The following CDK13 variants were observed in gnomAD, a reference collection of about 807,000 sequenced individuals.
CDK13 encodes cyclin dependent kinase 13, also known as cyclin-dependent kinase 13.
Under a neutral mutation model 137.6 loss-of-function variants are expected in CDK13, and 40 were observed. The ratio of observed to expected loss-of-function variants is 0.29; its 90% CI spans 0.23 to 0.38. The LOEUF is 0.38. Among genes scored for constraint, CDK13 ranks in the 10% least tolerant of loss-of-function variants. The probability of loss-of-function intolerance (pLI) is 1.00; values close to 1 mark genes in which losing one functional copy is unlikely to be tolerated. For missense variants in CDK13, 1,704 were observed against 1,951.8 expected, an observed-to-expected ratio of 0.87 and a Z score of 2.39; for synonymous variants, 869 against 760.1, an observed-to-expected ratio of 1.14 and a Z score of -2.36.
intron 1 of CDK13, among the ~76,000 whole-genome samples, chr7:39,973,046 T>A (rs57832352): frequency 0.04 from 6,068 of 152,280 alleles, 361 homozygotes; most frequent in African/African-American, 0.13. Flanking sequence ...ACAAATAAAG[T>A]TGAGCATCTT....
chr7:39,997,524 TAAA>T lies in CDK13; in HGVS notation c.1906_1908del (p.Lys636del). The T allele has an allele frequency of 3.1e-6, 5 of 1,601,168 alleles. No homozygotes were observed. The highest frequency in any genetic ancestry group is 1.8e-5 in the Admixed American group (1 of 55,772). On this transcript the variant is annotated inframe_deletion, in exon 3 of 14. Coordinates refer to ENST00000181839, the MANE Select transcript of CDK13 (RefSeq NM_003718.5). ...GAGGAAATATTTCAGTAAAAGCAGT[TAAA>T]AAAGAAGTAGAAAAGAAACTCCGAT...
chr7:40,028,139 T>C (rs1234674002), intron 5 of CDK13, among the ~76,000 whole-genome samples: 1 of 151,950 alleles, frequency 6.6e-6, no homozygotes, highest in Admixed American at 6.6e-5. Flanking sequence ...GGTCGTTCTC[T>C]TGTTGATCAG....
intron 5 of CDK13, among the ~76,000 whole-genome samples, chr7:40,037,967 GAT>G (rs965910817): frequency 6.6e-6 from 1 of 152,058 alleles, no homozygotes; most frequent in African/African-American, 2.4e-5. Context: ...CCTAAATGTG[GAT>G]ATGTTTCCAG....
chr7:40,078,197 T>C (rs1301647428), intron 10 of CDK13, 76 bp downstream of exon 10: 4 of 714,808 alleles, frequency 5.6e-6, no homozygotes, highest in Non-Finnish European at 9.2e-6. Flanking sequence ...AATGTTAGTC[T>C]ATTCTCTAGT....
At chr7:39,963,230 A>C (rs1458329966) in intron 1 of CDK13, among the ~76,000 whole-genome samples, 1 of 152,102 alleles carries the variant, frequency 6.6e-6, no homozygotes, top group Non-Finnish European at 1.5e-5. Context: ...GGCCATTTTC[A>C]TGATATTGAT....
At chr7:40,068,403 AG>A (rs568149978) in intron 9 of CDK13, among the ~76,000 whole-genome samples, 19 of 152,122 alleles carry the variant, frequency 1.2e-4, no homozygotes, top group African/African-American at 3.6e-4. Context: ...GTTACTAAGA[AG>A]GAAATAGTTG....
intron 5 of CDK13, among the ~76,000 whole-genome samples, chr7:40,010,084 T>A (rs995715855): frequency 6.6e-6 from 1 of 151,984 alleles, no homozygotes; most frequent in Non-Finnish European, 1.5e-5. Flanking sequence ...TCAAGCACGT[T>A]AGATTTATCG....
At position 40,084,089 on chromosome 7, in the gene CDK13, A is replaced by G. The variant is rs573438743; in HGVS notation, c.3030-4037A>G. Among the ~76,000 whole-genome samples the G allele has an allele frequency of 2.0e-5, 3 of 152,326 alleles. No individual in the cohort carries two copies. The South Asian group carries it at 6.2e-4, about 32-fold the overall frequency. The stretch of plus-strand genomic sequence containing the variant: ...CACGGTGGCAGTGGCTCATGCCTAT[A>G]ATTCCAGCACTTTGGGAGGCCGAGG... On this transcript the variant is annotated intron_variant, in intron 11 of 13. Transcript: ENST00000181839.
Position 39,964,923 on chromosome 7 carries a change from G to A in CDK13, c.1211+13071G>A, listed in dbSNP as rs544201088. ...CAGCAGGTTGTTCAGTTTCCATGTA[G>A]TTGAGCGGTTTGGAGTGAGTTTCTT... is the stretch of plus-strand genomic sequence containing the variant. On this transcript the variant is annotated intron_variant, in intron 1 of 13. Transcript: ENST00000181839. Among the ~76,000 whole-genome samples the A allele has an allele frequency of 2.6e-5, 4 of 152,206 alleles. No homozygotes were observed. The East Asian group carries it at 5.8e-4, about 22-fold the overall frequency.
At chr7:39,971,530 A>G (rs1452397844) in intron 1 of CDK13, among the ~76,000 whole-genome samples, 1 of 151,880 alleles carries the variant, frequency 6.6e-6, no homozygotes, top group Non-Finnish European at 1.5e-5. Flanking sequence ...AAAACAAAAC[A>G]AAAAACAAAA....
At chr7:40,050,373 C>T (rs181456556) in intron 7 of CDK13, among the ~76,000 whole-genome samples, 2 of 151,900 alleles carry the variant, frequency 1.3e-5, no homozygotes, top group African/African-American at 4.8e-5. Context: ...ATATTTTTTT[C>T]TTCTGCTGTT....
chr7:40,089,789 T>A (rs571596384), intron 12 of CDK13, among the ~76,000 whole-genome samples: 2 of 151,554 alleles, frequency 1.3e-5, no homozygotes, highest in Admixed American at 6.6e-5. Flanking sequence ...AAAAATAGAC[T>A]AGCACTTCTT....
At chr7:40,071,385 A>G (rs1189087584) in intron 9 of CDK13, 1 of 152,220 alleles carries the variant, frequency 6.6e-6, no homozygotes, top group Non-Finnish European at 1.5e-5. Flanking sequence ...TGTCTGGTTT[A>G]ATAGACATGA....
chr7:40,095,531 G>A lies in CDK13; in HGVS notation c.*551G>A, dbSNP rs1478179981. The stretch of plus-strand genomic sequence containing the variant: ...GAAAATAAAACACAACCTTTCTCTT[G>A]ATGCAACAGTTTTATAAAAAAAAAA... On this transcript the variant is annotated 3_prime_UTR_variant, in exon 14 of 14. Transcript: ENST00000181839. 1 of 136,094 alleles carries A rather than the reference G, an allele frequency of 7.3e-6. No homozygotes were observed. Among genetic ancestry groups the A allele is most frequent in the Admixed American group, 7.9e-5 (1 of 12,592 alleles). 8.4% of individuals were successfully genotyped at this position (136,094 alleles called of 1,614,324 possible).
intron 2 of CDK13, among the ~76,000 whole-genome samples, chr7:39,992,013 C>G (rs559026026): frequency 1.2e-4 from 18 of 152,090 alleles, no homozygotes; most frequent in African/African-American, 4.1e-4. Flanking sequence ...GATTGCACCA[C>G]TGCACTCCTG....
intron 7 of CDK13, among the ~76,000 whole-genome samples, chr7:40,059,608 C>T (rs1224769764): frequency 2.0e-5 from 3 of 152,322 alleles, no homozygotes; most frequent in Admixed American, 2.0e-4. Context: ...CCACCCACCT[C>T]GGCCTCCCAA....
At chr7:40,038,203 A>G (rs913469433) in intron 5 of CDK13, among the ~76,000 whole-genome samples, 1 of 151,632 alleles carries the variant, frequency 6.6e-6, no homozygotes, top group African/African-American at 2.4e-5. Context: ...TCCTTTTTTT[A>G]TATATAAAAA....
At chr7:40,033,318 C>CT (rs1421977536) in intron 5 of CDK13, among the ~76,000 whole-genome samples, 2 of 152,034 alleles carry the variant, frequency 1.3e-5, no homozygotes, top group African/African-American at 2.4e-5. Flanking sequence ...TTTTGCCCAC[C>CT]TTTTTTCCAT....
chr7:39,956,546 A>G (rs549480485), intron 1 of CDK13, among the ~76,000 whole-genome samples: 1 of 152,082 alleles, frequency 6.6e-6, no homozygotes, highest in Admixed American at 6.6e-5. Flanking sequence ...TGTTTAGCTC[A>G]TGTCACTCCC....
Sources: gnomAD v4.1 joint callset for allele counts (sites outside exome capture counted in the v4.1 genomes callset) on GRCh38, gnomAD v4.1.1 for gene constraint, MANE v1.5 for transcripts, NCBI Gene and HGNC (gene_info 2026-07-23, HGNC 2026-07-21) for gene names.